Variants in MOXD1 observed in about 807,000 individuals in gnomAD.
MOXD1 encodes monooxygenase DBH like 1.
In MOXD1, 62 loss-of-function variants were observed where a neutral mutation model predicts 66.6. That is an observed-to-expected ratio of 0.93 (90% CI 0.76 to 1.15). MOXD1 has a LOEUF of 1.15. Ranked by LOEUF, MOXD1 falls within the 50% of genes most tolerant of loss-of-function variation. The pLI is 0.00. For missense variants in MOXD1, 847 were observed against 754.6 expected (o/e 1.12, Z -1.44); for synonymous variants, 303 against 281.9 (o/e 1.07, Z -0.75).
chr6:132,398,586 G>A (rs1396695588), intron 1 of MOXD1, among the ~76,000 whole-genome samples: 11 of 151,944 alleles, frequency 7.2e-5, no homozygotes, highest in Admixed American at 5.2e-4. Flanking sequence ...TGTTCTCGCC[G>A]GGAGCAAAAT....
intron 1 of MOXD1, among the ~76,000 whole-genome samples, chr6:132,388,567 C>T (rs1028243375): frequency 1.9e-4 from 29 of 151,448 alleles, no homozygotes; most frequent in African/African-American, 7.0e-4. Context: ...TCTTCCTCCT[C>T]CTCCCTTCTG....
intron 2 of MOXD1, 104 bp downstream of exon 2, chr6:132,374,527 A>G: frequency 9.5e-7 from 1 of 1,056,162 alleles, no homozygotes; most frequent in Non-Finnish European, 1.3e-6. Flanking sequence ...TTTCAAAAAT[A>G]TTAGAAAAAA....
chr6:132,310,021 G>A (rs1362108434), intron 10 of MOXD1, among the ~76,000 whole-genome samples: 1 of 152,088 alleles, frequency 6.6e-6, no homozygotes, highest in Non-Finnish European at 1.5e-5. Context: ...TTAAACTAAA[G>A]AACTTCTGCA....
chr6:132,384,187 C>T (rs1394345061), intron 1 of MOXD1, among the ~76,000 whole-genome samples: 2 of 151,324 alleles, frequency 1.3e-5, no homozygotes, highest in Non-Finnish European at 2.9e-5. Context: ...CCCTTCCTCT[C>T]TTCCTTCCTC....
chr6:132,352,388 A>G (rs1029561086), intron 4 of MOXD1, among the ~76,000 whole-genome samples: 2 of 152,080 alleles, frequency 1.3e-5, no homozygotes, highest in Admixed American at 6.6e-5. Context: ...TTCATTTTTG[A>G]CCCAATGCTC....
chr6:132,373,922 T>C (rs568973930), intron 2 of MOXD1, among the ~76,000 whole-genome samples: 14 of 152,338 alleles, frequency 9.2e-5, no homozygotes, highest in African/African-American at 3.1e-4. Context: ...TTTGCATGCA[T>C]TTTTTCTGCC....
At chr6:132,303,754 CAT>C (rs111391678) in intron 10 of MOXD1, among the ~76,000 whole-genome samples, 57,844 of 121,636 alleles carry the variant, frequency 0.48, 15,733 homozygotes, top group African/African-American at 0.75. Flanking sequence ...TACACATGTA[CAT>C]ATATATATAT....
intron 10 of MOXD1, among the ~76,000 whole-genome samples, chr6:132,313,145 A>G (rs1259963281): frequency 6.6e-6 from 1 of 152,116 alleles, no homozygotes; most frequent in Non-Finnish European, 1.5e-5. Context: ...TGCATGTTGT[A>G]TGGGGAGAAA....
In MOXD1 at chr6:132,401,379, C is replaced by T; in HGVS notation, c.48G>A (p.Thr16=). 1 of 1,540,792 alleles carries T rather than the reference C, an allele frequency of 6.5e-7. No homozygotes were observed. The highest frequency in any genetic ancestry group is 1.4e-5 in the African/African-American group (1 of 72,044). Residue 16 remains threonine (T), a synonymous_variant, in exon 1 of 12, where the codon ACG becomes ACA. Transcript: ENST00000367963. The part of the protein sequence containing the change: ...LLLLWGLLPG[T]AAGGSGRTYP... ...AGGTTCGGCCCGAGCCCCCCGCCGC[C>T]GTCCCGGGGAGCAGCCCCCACAGCA... is the stretch of plus-strand genomic sequence containing the variant.
At chr6:132,371,614 A>C (rs1776263031) in intron 4 of MOXD1, among the ~76,000 whole-genome samples, 1 of 152,158 alleles carries the variant, frequency 6.6e-6, no homozygotes, top group African/African-American at 2.4e-5. Context: ...GTTGATAGGA[A>C]AAGTGTTATG....
intron 6 of MOXD1, among the ~76,000 whole-genome samples, chr6:132,326,982 T>C (rs1025377083): frequency 5.3e-5 from 8 of 152,274 alleles, no homozygotes; most frequent in African/African-American, 1.9e-4. Flanking sequence ...AACTCTTCAA[T>C]TGCTTCTCAT....
chr6:132,312,617 C>CT (rs201598690), intron 10 of MOXD1, among the ~76,000 whole-genome samples: 3,506 of 130,424 alleles, frequency 0.027, 134 homozygotes, highest in African/African-American at 0.091. Context: ...TTTCTTTTTT[C>CT]TTTTTTTTGG....
chr6:132,382,770 A>G (rs1776537725), intron 1 of MOXD1, among the ~76,000 whole-genome samples: 1 of 152,210 alleles, frequency 6.6e-6, no homozygotes, highest in Non-Finnish European at 1.5e-5. Flanking sequence ...GCTGATAGTA[A>G]GTTGACATCT....
At chr6:132,305,664 C>T (rs999230819) in intron 10 of MOXD1, among the ~76,000 whole-genome samples, 1 of 152,196 alleles carries the variant, frequency 6.6e-6, no homozygotes, top group Non-Finnish European at 1.5e-5. Context: ...CTCATCTTTG[C>T]TGTTCTCTAG....
chr6:132,385,638 C>T (rs1209251677), intron 1 of MOXD1, among the ~76,000 whole-genome samples: 1 of 151,664 alleles, frequency 6.6e-6, no homozygotes, highest in East Asian at 2.0e-4. Context: ...TGCCTGCCAC[C>T]ATGCCTGGCT....
chr6:132,390,136 A>T (rs1776728598), intron 1 of MOXD1, among the ~76,000 whole-genome samples: 1 of 151,502 alleles, frequency 6.6e-6, no homozygotes. Flanking sequence ...CTTACTAAAC[A>T]TCTGTGTAAC....
chr6:132,377,381 T>C (rs72994847), intron 1 of MOXD1, among the ~76,000 whole-genome samples: 5,590 of 152,300 alleles, frequency 0.037, 145 homozygotes, highest in South Asian at 0.071. Flanking sequence ...CCAAGCAGTT[T>C]TTGCAATACA....
At chr6:132,380,546 C>T (rs1479453522) in intron 1 of MOXD1, among the ~76,000 whole-genome samples, 1 of 152,226 alleles carries the variant, frequency 6.6e-6, no homozygotes, top group African/African-American at 2.4e-5. Flanking sequence ...ATCATTCCAA[C>T]CAGAAGTGAT....
intron 4 of MOXD1, among the ~76,000 whole-genome samples, chr6:132,364,443 G>T (rs1457989665): frequency 6.6e-6 from 1 of 152,112 alleles, no homozygotes; most frequent in South Asian, 2.1e-4. Context: ...GTTTTCACTT[G>T]TTTTCATTTC....
Sources: allele counts gnomAD v4.1 joint callset (sites outside exome capture counted in the v4.1 genomes callset), GRCh38; gene constraint gnomAD v4.1.1; transcripts MANE v1.5; gene names NCBI Gene and HGNC (gene_info 2026-07-23, HGNC 2026-07-21).